ASAP1: variants seen among roughly 807,000 people sequenced by gnomAD.
ASAP1 encodes arf-GAP with SH3 domain, ANK repeat and PH domain-containing protein 1.
A neutral mutation model predicts 145.2 loss-of-function variants in ASAP1; 43 were observed. The observed-to-expected ratio is 0.30, with a 90% CI of 0.23 to 0.38. The LOEUF is 0.38. ASAP1 is among the 10% of genes least tolerant of loss of function. The pLI is 1.00. For synonymous variants in ASAP1, 546 were observed against 515.5 expected, an observed-to-expected ratio of 1.06 and a Z score of -0.80; for missense variants, 1,018 against 1,355.3, an observed-to-expected ratio of 0.75 and a Z score of 3.91.
chr8:130,134,968 G>C (rs1205437182), intron 14 of ASAP1, among the ~76,000 whole-genome samples: 1 of 152,178 alleles, frequency 6.6e-6, no homozygotes, highest in African/African-American at 2.4e-5. Flanking sequence ...CTGCTCTCTG[G>C]CTGAATCAGG....
intron 3 of ASAP1, among the ~76,000 whole-genome samples, chr8:130,269,316 C>T (rs894732588): frequency 6.6e-6 from 1 of 152,154 alleles, no homozygotes; most frequent in African/African-American, 2.4e-5. Flanking sequence ...AAGGCCAATG[C>T]AGATTTCTGT....
At chr8:130,106,804 T>C (rs2135539230) in intron 24 of ASAP1, among the ~76,000 whole-genome samples, 1 of 152,336 alleles carries the variant, frequency 6.6e-6, no homozygotes, top group Admixed American at 6.5e-5. Flanking sequence ...TCTGAAGCTG[T>C]GAACAGCACT....
chr8:130,205,276 C>T (rs1407666217), intron 5 of ASAP1, among the ~76,000 whole-genome samples: 1 of 149,494 alleles, frequency 6.7e-6, no homozygotes, highest in Non-Finnish European at 1.5e-5. Flanking sequence ...ACCCTTTAGA[C>T]AAGTGCTATG....
At chr8:130,279,668 G>C (rs1439276744) in intron 3 of ASAP1, among the ~76,000 whole-genome samples, 1 of 152,112 alleles carries the variant, frequency 6.6e-6, no homozygotes, top group Non-Finnish European at 1.5e-5. Flanking sequence ...ATAATTTCTA[G>C]ATCTTTCTCT....
At chr8:130,110,254 C>T (rs116924122) in intron 24 of ASAP1, among the ~76,000 whole-genome samples, 2,170 of 152,258 alleles carry the variant, frequency 0.014, 20 homozygotes, top group Middle Eastern at 0.048. Context: ...GTCATTTTCT[C>T]CTATAAACCA....
At chr8:130,297,301 A>C (rs1822344196) in intron 3 of ASAP1, among the ~76,000 whole-genome samples, 1 of 152,328 alleles carries the variant, frequency 6.6e-6, no homozygotes, top group Middle Eastern at 3.4e-3. Flanking sequence ...GGCCCTGCAG[A>C]ACCTGAGGGT....
At chr8:130,107,432 G>A (rs1310055080) in intron 24 of ASAP1, among the ~76,000 whole-genome samples, 48 of 151,120 alleles carry the variant, frequency 3.2e-4, no homozygotes, top group Middle Eastern at 6.9e-3. Flanking sequence ...TGATCCGCCC[G>A]CCTCAGCCTC....
chr8:130,173,953 C>T (rs772875607), intron 9 of ASAP1, among the ~76,000 whole-genome samples: 16 of 150,856 alleles, frequency 1.1e-4, no homozygotes, highest in Non-Finnish European at 2.1e-4. Flanking sequence ...TGGCAGCATG[C>T]GCCTGTAGTC....
intron 3 of ASAP1, among the ~76,000 whole-genome samples, chr8:130,293,005 A>C (rs1395222513): frequency 3.3e-5 from 5 of 152,238 alleles, no homozygotes; most frequent in Non-Finnish European, 5.9e-5. Flanking sequence ...CCACTGCTCA[A>C]GATACTTGGC....
At chr8:130,357,903 G>C in intron 3 of ASAP1, 114 bp downstream of exon 3, 1 of 1,409,558 alleles carries the variant, frequency 7.1e-7, no homozygotes, top group Non-Finnish European at 9.5e-7. Context: ...GCTCCCTGAG[G>C]GGGTGTGGCG....
intron 3 of ASAP1, among the ~76,000 whole-genome samples, chr8:130,341,119 A>T (rs540753134): frequency 2.0e-5 from 3 of 152,226 alleles, no homozygotes; most frequent in African/African-American, 7.2e-5. Flanking sequence ...GACAAGATGC[A>T]TTACAGCAGA....
intron 18 of ASAP1, among the ~76,000 whole-genome samples, chr8:130,119,039 C>A (rs1040657243): frequency 5.9e-5 from 9 of 152,094 alleles, no homozygotes; most frequent in Admixed American, 4.6e-4. Flanking sequence ...TTCTGAAAGA[C>A]CAATTAAAAG....
At chr8:130,118,098 A>G in intron 20 of ASAP1, 63 bp downstream of exon 20, 2 of 1,389,836 alleles carry the variant, frequency 1.4e-6, no homozygotes, top group South Asian at 2.4e-5. Context: ...CACTGATAGG[A>G]CTGGTTTGTG....
At chr8:130,283,437 G>T (rs888720027) in intron 3 of ASAP1, among the ~76,000 whole-genome samples, 1 of 151,948 alleles carries the variant, frequency 6.6e-6, no homozygotes, top group Non-Finnish European at 1.5e-5. Flanking sequence ...AAGTAGCTGC[G>T]CATGGTGGCA....
At chr8:130,212,920 A>T (rs1226533804) in intron 5 of ASAP1, among the ~76,000 whole-genome samples, 2 of 152,252 alleles carry the variant, frequency 1.3e-5, no homozygotes, top group Non-Finnish European at 2.9e-5. Flanking sequence ...AAAGCAAGAC[A>T]TCAATGCGAA....
intron 2 of ASAP1, among the ~76,000 whole-genome samples, chr8:130,377,376 T>TA (rs989687104): frequency 2.8e-4 from 43 of 150,948 alleles, no homozygotes; most frequent in South Asian, 6.3e-4. Context: ...AAAATTAAAT[T>TA]AAAAAAAAAG....
At chr8:130,205,821 CCT>C (rs141282868) in intron 5 of ASAP1, among the ~76,000 whole-genome samples, 15,541 of 151,756 alleles carry the variant, frequency 0.1, 922 homozygotes, top group South Asian at 0.27. Context: ...GCATGTACAC[CCT>C]GTCACCCTTC....
intron 3 of ASAP1, among the ~76,000 whole-genome samples, chr8:130,271,375 T>C (rs752512629): frequency 6.6e-6 from 1 of 152,226 alleles, no homozygotes; most frequent in Non-Finnish European, 1.5e-5. Context: ...GCACTGCTTG[T>C]AGGCCACACA....
rs144647977 is a variant in ASAP1 at position 130,121,082 on chromosome 8, A to C, written c.1608-2407T>G. 4.9e-3 allele frequency among the ~76,000 whole-genome samples: 747 copies of C among 152,378 alleles called. 4 individuals carry two copies. The highest frequency in any genetic ancestry group is 0.012 in the South Asian group (59 of 4,828). On this transcript the variant is annotated intron_variant, in intron 18 of 29. Transcript: ENST00000518721. ...TAAACATCTCATATTAAAACTGATC[A>C]GCAAATCCTGTTGGCTCTCCCTTCA... is the stretch of plus-strand genomic sequence containing the variant.
Sources: gnomAD v4.1 joint callset for allele counts (sites outside exome capture counted in the v4.1 genomes callset) on GRCh38, gnomAD v4.1.1 for gene constraint, MANE v1.5 for transcripts, NCBI Gene and HGNC (gene_info 2026-07-23, HGNC 2026-07-21) for gene names.